SLC39A11: variants seen among roughly 807,000 people sequenced by gnomAD.
SLC39A11 encodes solute carrier family 39 member 11.
Under a neutral mutation model 36.1 loss-of-function variants are expected in SLC39A11, and 33 were observed. The observed-to-expected ratio is 0.91, with a 90% CI of 0.69 to 1.22. The LOEUF (loss-of-function observed/expected upper bound fraction) is 1.22, where lower values mean the gene tolerates loss of function less well. Among genes scored for constraint, SLC39A11 ranks in the 50% most tolerant of loss-of-function variants. The pLI is 0.00. For missense variants in SLC39A11, 432 were observed against 430.3 expected (o/e 1.00, Z -0.03); for synonymous variants, 166 against 170.3 (o/e 0.97, Z 0.20).
chr17:72,899,984 A>G (rs376937951), intron 5 of SLC39A11, among the ~76,000 whole-genome samples: 37 of 115,120 alleles, frequency 3.2e-4, no homozygotes, highest in Non-Finnish European at 4.3e-4. Flanking sequence ...GAGAGAGAGA[A>G]AGAAAGAGAG....
Position 72,646,437 on chromosome 17 carries a change from T to G in SLC39A11, c.*1147A>C, listed in dbSNP as rs1269716231. 6.6e-6 allele frequency: 1 copy of G among 152,266 alleles called. No individual in the cohort carries two copies. Among genetic ancestry groups the G allele is most frequent in the Non-Finnish European group, 1.5e-5 (1 of 68,044 alleles). 9.4% of individuals were successfully genotyped at this position (152,266 alleles called of 1,614,324 possible). On this transcript the variant is annotated 3_prime_UTR_variant, in exon 10 of 10. Transcript: ENST00000255559. The stretch of plus-strand genomic sequence containing the variant: ...AGAAGGAGTAGGCTGGCTTCTGGTC[T>G]AGTTCGACTCATTCTTTATAGGGAC...
chr17:72,757,685 C>G (rs975797702), intron 6 of SLC39A11, among the ~76,000 whole-genome samples: 22 of 151,678 alleles, frequency 1.5e-4, no homozygotes, highest in African/African-American at 5.1e-4. Flanking sequence ...TTTTCTTCCC[C>G]TGGTCACTGG....
chr17:72,952,971 T>C (rs933766492), intron 4 of SLC39A11, among the ~76,000 whole-genome samples: 5 of 152,096 alleles, frequency 3.3e-5, no homozygotes, highest in Admixed American at 3.3e-4. Context: ...AATGTCAAGG[T>C]GTCAAATACA....
At chr17:72,818,011 T>C (rs1013043825) in intron 6 of SLC39A11, 1 of 152,098 alleles carries the variant, frequency 6.6e-6, no homozygotes, top group Non-Finnish European at 1.5e-5. Context: ...TCAGATATCA[T>C]GAGAACTCAC....
At chr17:72,825,029 T>C (rs1434037865) in intron 6 of SLC39A11, among the ~76,000 whole-genome samples, 3 of 151,244 alleles carry the variant, frequency 2.0e-5, no homozygotes, top group Admixed American at 6.6e-5. Flanking sequence ...GAAATATACA[T>C]AAGTAAAGAG....
intron 6 of SLC39A11, among the ~76,000 whole-genome samples, chr17:72,841,233 A>G (rs544329755): frequency 1.2e-4 from 18 of 152,362 alleles, no homozygotes; most frequent in African/African-American, 4.3e-4. Context: ...AGAACGCAGT[A>G]TAGAACTTCT....
rs1010646306 is a variant in SLC39A11 at position 72,999,513 on chromosome 17, T to C, written c.306+32043A>G. On this transcript the variant is annotated intron_variant, in intron 4 of 9. Coordinates refer to ENST00000255559, the MANE Select transcript of SLC39A11 (RefSeq NM_139177.4). ...CCTTGGAGCCTAAACCATCAAACAG[T>C]TCTCATCACCAAGGGTTTATTGAGC... Among the ~76,000 whole-genome samples, 3 of 152,202 alleles carry C rather than the reference T, an allele frequency of 2.0e-5. No homozygotes were observed. In the East Asian group the frequency reaches 5.8e-4, roughly 29 times the overall value.
At chr17:73,068,385 C>T in intron 3 of SLC39A11, 3 of 465,338 alleles carry the variant, frequency 6.4e-6, no homozygotes, top group Non-Finnish European at 1.1e-5. Flanking sequence ...AGATATGGAT[C>T]ACCAAAAGCA....
chr17:73,050,151 C>CG (rs1298962571), intron 3 of SLC39A11, among the ~76,000 whole-genome samples: 1 of 151,660 alleles, frequency 6.6e-6, no homozygotes, highest in African/African-American at 2.4e-5. Context: ...CAAACATGTC[C>CG]GGGGGTGGAG....
chr17:72,978,485 TG>T (rs1180359142), intron 4 of SLC39A11, among the ~76,000 whole-genome samples: 1 of 151,952 alleles, frequency 6.6e-6, no homozygotes, highest in African/African-American at 2.4e-5. Context: ...ACGCACATTG[TG>T]GGGGGTCAGG....
At chr17:72,834,944 G>A (rs1017707265) in intron 6 of SLC39A11, among the ~76,000 whole-genome samples, 2 of 152,224 alleles carry the variant, frequency 1.3e-5, no homozygotes, top group Admixed American at 1.3e-4. Context: ...CTGCGCGTCT[G>A]TCGCCTGTGC....
intron 4 of SLC39A11, among the ~76,000 whole-genome samples, chr17:73,004,139 G>GAAA (rs2089992432): frequency 1.5e-5 from 2 of 135,478 alleles, no homozygotes; most frequent in African/African-American, 2.8e-5. Context: ...AGGAAAGAAA[G>GAAA]GAAGAAAGAA....
chr17:72,844,458 C>T (rs1191831714), intron 6 of SLC39A11, among the ~76,000 whole-genome samples: 1 of 152,194 alleles, frequency 6.6e-6, no homozygotes, highest in Non-Finnish European at 1.5e-5. Context: ...CAGTTGAGTC[C>T]AGGAGTTCAA....
chr17:73,047,813 C>G (rs1245540150), intron 3 of SLC39A11, among the ~76,000 whole-genome samples: 1 of 150,714 alleles, frequency 6.6e-6, no homozygotes, highest in African/African-American at 2.4e-5. Flanking sequence ...ACTAAAAATA[C>G]AAAAATTAGC....
In SLC39A11 at chr17:72,963,150, A is replaced by G. The variant is rs116111879; in HGVS notation, c.307-15275T>C. 1.9e-3 allele frequency among the ~76,000 whole-genome samples: 276 copies of G among 147,254 alleles called. 1 individual carries two copies. Among genetic ancestry groups the G allele is most frequent in the African/African-American group, 6.5e-3 (258 of 39,568 alleles). On this transcript the variant is annotated intron_variant, in intron 4 of 9. Transcript: ENST00000255559. The stretch of plus-strand genomic sequence containing the variant: ...TTCTAGGGCACACACACCATGGGGT[A>G]TAATTCTTTTTTTCCTTTCTTTTTT...
Position 72,941,724 on chromosome 17 carries a change from C to A in SLC39A11, c.430+6028G>T, listed in dbSNP as rs115671779. Among the ~76,000 whole-genome samples the A allele has an allele frequency of 7.1e-3, 1,081 of 152,162 alleles. 9 individuals carry two copies. The highest frequency in any genetic ancestry group is 0.023 in the African/African-American group (958 of 41,500). On this transcript the variant is annotated intron_variant, in intron 5 of 9. Transcript: ENST00000255559. ...CGGTCTCATGCTGCCTGCACAGATC[C>A]CTGTCCAAGAAGGTATCTCTGCATT...
intron 6 of SLC39A11, among the ~76,000 whole-genome samples, chr17:72,789,783 C>T (rs138658805): frequency 2.6e-5 from 4 of 152,310 alleles, no homozygotes; most frequent in East Asian, 3.9e-4. Context: ...ATATCCAGGC[C>T]GAGAGTCAGG....
intron 5 of SLC39A11, among the ~76,000 whole-genome samples, chr17:72,864,395 G>A (rs577999882): frequency 6.7e-6 from 1 of 150,038 alleles, no homozygotes; most frequent in African/African-American, 2.5e-5. Context: ...CAGACCAACC[G>A]ATTTGGGCTT....
chr17:73,025,675 A>G (rs1484868892), intron 4 of SLC39A11, among the ~76,000 whole-genome samples: 1 of 152,252 alleles, frequency 6.6e-6, no homozygotes, highest in African/African-American at 2.4e-5. Flanking sequence ...AGATCGAAAT[A>G]GAGTCAGAAG....
Sources: allele counts gnomAD v4.1 joint callset (sites outside exome capture counted in the v4.1 genomes callset), GRCh38; gene constraint gnomAD v4.1.1; transcripts MANE v1.5; gene names NCBI Gene and HGNC (gene_info 2026-07-23, HGNC 2026-07-21).